Variants in CAMTA1 observed in about 807,000 individuals in gnomAD.
The protein encoded by CAMTA1 is calmodulin-binding transcription activator 1.
Under a neutral mutation model 170.9 loss-of-function variants are expected in CAMTA1, and 27 were observed. The observed-to-expected ratio is 0.16, with a 90% CI of 0.12 to 0.22. The LOEUF is 0.22. Among genes scored for constraint, CAMTA1 ranks in the 10% least tolerant of loss-of-function variants. The pLI, the probability that CAMTA1 is intolerant of heterozygous loss-of-function variation, is 1.00. For synonymous variants in CAMTA1, 833 were observed against 891.5 expected (o/e 0.93, Z 1.17); for missense variants, 1,619 against 2,217.2 (o/e 0.73, Z 5.42).
intron 5 of CAMTA1, among the ~76,000 whole-genome samples, chr1:7,416,292 T>A (rs1321104438): frequency 6.6e-6 from 1 of 152,220 alleles, no homozygotes; most frequent in East Asian, 1.9e-4. Context: ...ATTTCCTGAA[T>A]CTGAATGTTG....
intron 6 of CAMTA1, among the ~76,000 whole-genome samples, chr1:7,508,188 T>C (rs1440182704): frequency 6.6e-6 from 1 of 152,180 alleles, no homozygotes; most frequent in African/African-American, 2.4e-5. Flanking sequence ...GGGCCCTGAC[T>C]CTGAGCTTGG....
Position 7,014,377 on chromosome 1 carries a change from G to A in CAMTA1, c.235-76927G>A, listed in dbSNP as rs1316082888. The A allele has an allele frequency of 6.6e-6, 1 of 152,334 alleles. No homozygotes were observed. The highest frequency in any genetic ancestry group is 6.5e-5 in the Admixed American group (1 of 15,290). The allele number at this position is 152,334 out of a possible 1,614,324, so 9.4% of individuals were successfully genotyped here. ...ATAAACAGCCCAGGAGTCCTGAGGGGGTTGGAGAGTTGGTCAACCGTGAAC... is the reference window on the plus strand; with the variant it reads ...ATAAACAGCCCAGGAGTCCTGAGGGAGTTGGAGAGTTGGTCAACCGTGAAC... On this transcript the variant is annotated intron_variant, in intron 3 of 22. Transcript: ENST00000303635. This position sits in a 1 kb window ranked among gnomAD's most constrained non-coding sequence, Gnocchi z 4.2.
chr1:6,840,419 A>T (rs1461571668), intron 3 of CAMTA1, among the ~76,000 whole-genome samples: 2 of 152,076 alleles, frequency 1.3e-5, no homozygotes, highest in East Asian at 3.9e-4. Context: ...TGAGAAGTGG[A>T]TGTATTTCAG....
intron 6 of CAMTA1, among the ~76,000 whole-genome samples, chr1:7,598,680 G>C (rs188508400): frequency 2.6e-5 from 4 of 152,344 alleles, no homozygotes; most frequent in African/African-American, 9.6e-5. Context: ...TTCCTTCTCT[G>C]ATGGCCAGTG....
At chr1:7,011,979 CA>C (rs1489233326) in intron 3 of CAMTA1, among the ~76,000 whole-genome samples, 1 of 152,224 alleles carries the variant, frequency 6.6e-6, no homozygotes, top group Admixed American at 6.5e-5. Context: ...CCCCAGTGCT[CA>C]GGGGGCCCCT....
At chr1:7,555,716 A>G (rs1341177890) in intron 6 of CAMTA1, among the ~76,000 whole-genome samples, 2 of 151,986 alleles carry the variant, frequency 1.3e-5, no homozygotes, top group Admixed American at 1.3e-4. Context: ...CACCAAGGCA[A>G]GCACCTAGCA....
chr1:7,405,248 C>T (rs2090203637), intron 5 of CAMTA1, among the ~76,000 whole-genome samples: 1 of 152,126 alleles, frequency 6.6e-6, no homozygotes, highest in Non-Finnish European at 1.5e-5. Flanking sequence ...CAAGATGGGC[C>T]TAAAAGCGCA....
rs991675928 is a variant in CAMTA1, at chr1:6,918,640, G to A, written c.234+93430G>A. On this transcript the variant is annotated intron_variant, in intron 3 of 22. Transcript: ENST00000303635. The surrounding 1 kb of genome is among the most constrained non-coding windows in gnomAD (Gnocchi z 4.0). ...TCCCGAGGAACTCAGAACTTCCCCC[G>A]TGGGCCTCAGGCCCAGGATCGCTGC... Among the ~76,000 whole-genome samples, 4 of 152,246 alleles carry A rather than the reference G, an allele frequency of 2.6e-5. No individual in the cohort carries two copies. Among genetic ancestry groups the A allele is most frequent in the Non-Finnish European group, 5.9e-5 (4 of 68,050 alleles).
At chr1:7,640,586 G>A (rs374389301) in intron 7 of CAMTA1, 33 bp downstream of exon 7, 33 of 1,613,116 alleles carry the variant, frequency 2.0e-5, no homozygotes, top group Middle Eastern at 1.6e-4. Flanking sequence ...GCGCCCCCAC[G>A]CTGGGAACCA....
intron 3 of CAMTA1, among the ~76,000 whole-genome samples, chr1:6,883,703 A>T (rs1364192041): frequency 6.6e-6 from 1 of 152,090 alleles, no homozygotes; most frequent in East Asian, 1.9e-4. Context: ...CGAAGAGTAG[A>T]TAGAGGGCTT....
intron 3 of CAMTA1, among the ~76,000 whole-genome samples, chr1:6,863,510 C>T (rs1449264858): frequency 6.6e-6 from 1 of 152,216 alleles, no homozygotes; most frequent in Non-Finnish European, 1.5e-5. Context: ...CTGATGGGTG[C>T]TCCAGCCTCA....
intron 3 of CAMTA1, among the ~76,000 whole-genome samples, chr1:6,833,274 C>A (rs577216202): frequency 3.9e-4 from 60 of 152,198 alleles, no homozygotes; most frequent in Non-Finnish European, 8.1e-4. Flanking sequence ...TATACTATTA[C>A]TTCAGCATGT....
intron 1 of CAMTA1, among the ~76,000 whole-genome samples, chr1:6,807,548 G>A (rs867787985): frequency 2.0e-4 from 30 of 152,050 alleles, no homozygotes; most frequent in Admixed American, 1.0e-3. Flanking sequence ...GTGAAACCCC[G>A]TCTCTACTAA....
chr1:7,566,832 G>A (rs1197320300), intron 6 of CAMTA1, among the ~76,000 whole-genome samples: 1 of 152,208 alleles, frequency 6.6e-6, no homozygotes, highest in Non-Finnish European at 1.5e-5. Context: ...CCAAGCCCCA[G>A]ATTGGCACTA....
intron 6 of CAMTA1, among the ~76,000 whole-genome samples, chr1:7,512,600 C>T (rs914919627): frequency 2.0e-5 from 3 of 152,166 alleles, no homozygotes; most frequent in African/African-American, 4.8e-5. Context: ...GAGCAGAAGG[C>T]GGGAGGGCCG....
At chr1:7,514,393 T>C (rs1418208391) in intron 6 of CAMTA1, among the ~76,000 whole-genome samples, 1 of 151,966 alleles carries the variant, frequency 6.6e-6, no homozygotes, top group East Asian at 1.9e-4. Flanking sequence ...AGGGCATGAG[T>C]GGGGAAGGGC....
At chr1:7,349,214 G>A (rs1334864436) in intron 5 of CAMTA1, among the ~76,000 whole-genome samples, 12 of 152,150 alleles carry the variant, frequency 7.9e-5, no homozygotes, top group African/African-American at 2.7e-4. Flanking sequence ...CATCACCAGC[G>A]TGCTTTACAT....
chr1:6,902,369 T>G lies in CAMTA1; in HGVS notation c.234+77159T>G, dbSNP rs192407473. ...CAATGAATAAGCAACTTCATTGGAG[T>G]ACTACTCACAGTGAAAAGGAACAAA... On this transcript the variant is annotated intron_variant, in intron 3 of 22. Coordinates refer to ENST00000303635, the MANE Select transcript of CAMTA1 (RefSeq NM_015215.4). Among the ~76,000 whole-genome samples, 4 of 152,306 alleles carry G rather than the reference T, an allele frequency of 2.6e-5. No homozygotes were observed. In the East Asian group the frequency reaches 7.7e-4, roughly 29 times the overall value.
At chr1:7,206,207 C>T (rs2149041411) in intron 4 of CAMTA1, among the ~76,000 whole-genome samples, 1 of 152,254 alleles carries the variant, frequency 6.6e-6, no homozygotes, top group Middle Eastern at 3.4e-3. Flanking sequence ...ACTATAGTAT[C>T]AATTTGTCTA....
Sources: gnomAD v4.1 joint callset for allele counts (sites outside exome capture counted in the v4.1 genomes callset) on GRCh38, gnomAD v4.1.1 for gene constraint, Gnocchi (gnomAD v3.1) non-coding constraint, MANE v1.5 for transcripts, NCBI Gene and HGNC (gene_info 2026-07-23, HGNC 2026-07-21) for gene names.